Variants in GPC4 observed in about 807,000 individuals in gnomAD.
GPC4 encodes glypican-4.
Under a neutral mutation model 35.0 loss-of-function variants are expected in GPC4, and 10 were observed. The ratio of observed to expected loss-of-function variants is 0.29; its 90% CI spans 0.18 to 0.48. GPC4 has a LOEUF of 0.48. Ranked by LOEUF, GPC4 falls within the 20% of genes least tolerant of loss-of-function variation. GPC4 has a pLI of 0.99. For synonymous variants in GPC4, 167 were observed against 170.2 expected (o/e 0.98, Z 0.15); for missense variants, 322 against 451.3 (o/e 0.71, Z 2.60).
chrX:133,305,268 C>A (rs904775339), intron 6 of GPC4, among the ~76,000 whole-genome samples: 1 of 112,269 alleles, frequency 8.9e-6, no homozygotes, highest in Non-Finnish European at 1.9e-5. Context: ...CAGGCTCCCT[C>A]TTCTGTGTTC....
At chrX:133,360,888 A>C (rs2068564458) in intron 1 of GPC4, among the ~76,000 whole-genome samples, 1 of 112,085 alleles carries the variant, frequency 8.9e-6, no homozygotes, top group African/African-American at 3.2e-5. Flanking sequence ...TGATTCTCAT[A>C]ATGGTGACCC....
intron 2 of GPC4, among the ~76,000 whole-genome samples, chrX:133,325,741 T>C (rs988029120): frequency 2.7e-5 from 3 of 112,148 alleles, no homozygotes; most frequent in Non-Finnish European, 5.6e-5. Context: ...ATTGGTGAGC[T>C]TATCAAAATG....
chrX:133,414,350 A>C, intron 1 of GPC4: 2 of 306,635 alleles, frequency 6.5e-6, no homozygotes, highest in Non-Finnish European at 8.6e-6. Flanking sequence ...TCCCTCCACC[A>C]CACCCCACTG....
chrX:133,372,212 C>T (rs1317912664), intron 1 of GPC4, among the ~76,000 whole-genome samples: 2 of 85,046 alleles, frequency 2.4e-5, no homozygotes, highest in Non-Finnish European at 4.3e-5. Context: ...GGCGACACAG[C>T]GACTCCGTCT....
chrX:133,368,445 C>T (rs1386528041), intron 1 of GPC4, among the ~76,000 whole-genome samples: 1 of 111,407 alleles, frequency 9.0e-6, no homozygotes, highest in Non-Finnish European at 1.9e-5. Flanking sequence ...GTATCCAACA[C>T]TAAGGGAAGG....
intron 1 of GPC4, among the ~76,000 whole-genome samples, chrX:133,411,025 A>G (rs920911250): frequency 1.8e-5 from 2 of 112,267 alleles, no homozygotes; most frequent in Admixed American, 1.9e-4. Context: ...TCTTAAAGAC[A>G]CATGCTGTGT....
At chrX:133,401,369 T>C (rs2068767457) in intron 1 of GPC4, among the ~76,000 whole-genome samples, 1 of 111,367 alleles carries the variant, frequency 9.0e-6, no homozygotes, top group Non-Finnish European at 1.9e-5. Flanking sequence ...GGAACTGATA[T>C]GGGCGACTGC....
intron 1 of GPC4, among the ~76,000 whole-genome samples, chrX:133,354,569 T>TTTA (rs769633001): frequency 1.7e-4 from 9 of 54,487 alleles, no homozygotes; most frequent in African/African-American, 4.8e-4. Context: ...TATTTATTTA[T>TTTA]TTTTTTTTTT....
At chrX:133,374,574 C>T (rs1317754156) in intron 1 of GPC4, among the ~76,000 whole-genome samples, 1 of 111,749 alleles carries the variant, frequency 8.9e-6, no homozygotes, top group Non-Finnish European at 1.9e-5. Flanking sequence ...AACAAGACCT[C>T]GTGAGTTGAT....
At chrX:133,305,221 T>C (rs1158086196) in intron 6 of GPC4, among the ~76,000 whole-genome samples, 8 of 111,864 alleles carry the variant, frequency 7.2e-5, no homozygotes, top group South Asian at 3.8e-4. Flanking sequence ...CTGTGAAACA[T>C]AGCTGCTATT....
intron 2 of GPC4, among the ~76,000 whole-genome samples, chrX:133,335,632 T>C (rs1220879142): frequency 1.8e-5 from 2 of 112,282 alleles, no homozygotes; most frequent in East Asian, 5.6e-4. Flanking sequence ...TATAAAAATG[T>C]CAGAACTGGC....
intron 3 of GPC4, chrX:133,311,639 A>C: frequency 2.3e-6 from 1 of 443,193 alleles, no homozygotes; most frequent in Non-Finnish European, 4.0e-6. Context: ...AAAACAAACA[A>C]GGTGCACCAA....
intron 1 of GPC4, among the ~76,000 whole-genome samples, chrX:133,369,022 G>C (rs568246354): frequency 1.8e-5 from 2 of 111,620 alleles, no homozygotes; most frequent in East Asian, 5.6e-4. Context: ...TACTTTAAAC[G>C]TAAGAATCAC....
intron 2 of GPC4, among the ~76,000 whole-genome samples, chrX:133,333,985 A>G (rs2068431736): frequency 8.9e-6 from 1 of 112,585 alleles, no homozygotes; most frequent in Non-Finnish European, 1.9e-5. Context: ...TATAAACGAC[A>G]ATTATCTATA....
chrX:133,347,256 T>TTTG (rs2068496719), intron 1 of GPC4, among the ~76,000 whole-genome samples: 1 of 88,100 alleles, frequency 1.1e-5, no homozygotes, highest in African/African-American at 4.5e-5. Flanking sequence ...AAGTTTTTTT[T>TTTG]TTTTTTTTTT....
chrX:133,349,589 C>T (rs1307071367), intron 1 of GPC4, among the ~76,000 whole-genome samples: 4 of 112,114 alleles, frequency 3.6e-5, no homozygotes, highest in African/African-American at 6.5e-5. Context: ...TGCCTTCTTA[C>T]GTACATTTCA....
Position 133,415,060 on chromosome X carries a change from C to A in GPC4, c.-95G>T. Reference sequence around the variant, plus strand: ...GAGGGCTGGCGGAGTCGGGGACTAGCGAGTGGAGCTGGAGGGAGAAGGAGT... The same window carrying A: ...GAGGGCTGGCGGAGTCGGGGACTAGAGAGTGGAGCTGGAGGGAGAAGGAGT... On this transcript the variant is annotated 5_prime_UTR_variant, in exon 1 of 9. Coordinates refer to ENST00000370828, the MANE Select transcript of GPC4 (RefSeq NM_001448.3). 10 of 903,177 alleles carry A rather than the reference C, an allele frequency of 1.1e-5. No homozygotes were observed. Among genetic ancestry groups the A allele is most frequent in the Non-Finnish European group, 1.5e-5 (10 of 649,531 alleles). 74.4% of individuals were successfully genotyped at this position (903,177 alleles called of 1,213,427 possible).
intron 2 of GPC4, among the ~76,000 whole-genome samples, chrX:133,329,387 G>A (rs1410027568): frequency 8.9e-6 from 1 of 111,830 alleles, no homozygotes; most frequent in African/African-American, 3.2e-5. Context: ...TTTCCTAGTG[G>A]AGTCAAACAT....
intron 1 of GPC4, among the ~76,000 whole-genome samples, chrX:133,378,832 T>C (rs1178559502): frequency 1.8e-5 from 2 of 111,258 alleles, no homozygotes; most frequent in Non-Finnish European, 3.8e-5. Context: ...ACCAACACCA[T>C]CCCCTCACAA....
Sources: gnomAD v4.1 joint callset for allele counts (sites outside exome capture counted in the v4.1 genomes callset) on GRCh38, gnomAD v4.1.1 for gene constraint, MANE v1.5 for transcripts, NCBI Gene and HGNC (gene_info 2026-07-23, HGNC 2026-07-21) for gene names.